Variants in CD9 observed in about 807,000 individuals in gnomAD.
CD9 encodes CD9 antigen.
A neutral mutation model predicts 31.4 loss-of-function variants in CD9; 10 were observed. The ratio of observed to expected loss-of-function variants is 0.32; its 90% CI spans 0.20 to 0.54. CD9 has a LOEUF of 0.54. Among genes scored for constraint, CD9 ranks in the 20% least tolerant of loss-of-function variants. CD9 has a pLI of 0.94. For missense variants in CD9, 259 were observed against 300.1 expected (o/e 0.86, Z 1.01); for synonymous variants, 113 against 114.1 (o/e 0.99, Z 0.06).
At chr12:6,224,723 A>T (rs1946340045) in intron 1 of CD9, among the ~76,000 whole-genome samples, 1 of 152,146 alleles carries the variant, frequency 6.6e-6, no homozygotes, top group Admixed American at 6.5e-5. Flanking sequence ...CTCAGCTGGC[A>T]CTGGGGGGAC....
intron 1 of CD9, among the ~76,000 whole-genome samples, chr12:6,211,068 C>T (rs541186585): frequency 1.2e-4 from 19 of 152,166 alleles, no homozygotes; most frequent in African/African-American, 3.9e-4. Context: ...GAACTCCTGA[C>T]CTTGTGATCC....
intron 1 of CD9, among the ~76,000 whole-genome samples, chr12:6,224,362 G>C (rs1946334705): frequency 6.6e-6 from 1 of 152,090 alleles, no homozygotes; most frequent in Non-Finnish European, 1.5e-5. Context: ...TATGCTCCTG[G>C]GGGGTAGGTG....
In CD9 at chr12:6,222,327, G is replaced by A. The variant is rs1946302225; in HGVS notation, c.67-3099G>A. On this transcript the variant is annotated intron_variant, in intron 1 of 7. Coordinates refer to ENST00000009180, the MANE Select transcript of CD9 (RefSeq NM_001769.4). Reference sequence around the variant, plus strand: ...GTTCACTCCTGATTTTTGTCCAAGTGTTCCCAGTCATGCCCCTGGCCCTCC... The same window carrying A: ...GTTCACTCCTGATTTTTGTCCAAGTATTCCCAGTCATGCCCCTGGCCCTCC... Among the ~76,000 whole-genome samples the A allele has an allele frequency of 3.3e-5, 5 of 152,182 alleles. No homozygotes were observed. In the South Asian group the frequency reaches 1.0e-3, roughly 32 times the overall value.
intron 1 of CD9, among the ~76,000 whole-genome samples, chr12:6,224,083 T>C (rs1360636211): frequency 1.3e-5 from 2 of 152,116 alleles, no homozygotes; most frequent in African/African-American, 4.8e-5. Flanking sequence ...AGATGCTGAG[T>C]GACAGTCCAC....
intron 1 of CD9, among the ~76,000 whole-genome samples, chr12:6,208,345 C>T (rs965152716): frequency 3.3e-5 from 5 of 152,290 alleles, no homozygotes; most frequent in Admixed American, 6.5e-5. Context: ...GCCCTCTCCT[C>T]GGAACTGAGC....
rs1167025144 is a variant in CD9 at position 6,225,444 on chromosome 12, C to G, written c.85C>G (p.Leu29Val). 10 of 1,612,818 alleles carry G rather than the reference C, an allele frequency of 6.2e-6. No individual in the cohort carries two copies. The South Asian group carries it at 9.9e-5, about 16-fold the overall frequency. The change falls in exon 2 of 8, where the codon CTT becomes GTT. Residue 29 changes from leucine to valine, a missense_variant. Transcript: ENST00000009180. The stretch of plus-strand genomic sequence containing the variant: ...CTTGCAGCTTGCCGGGATTGCTGTC[C>G]TTGCCATTGGACTATGGCTCCGATT... ...FIFWLAGIAV[L>V]AIGLWLRFDS...
intron 1 of CD9, among the ~76,000 whole-genome samples, chr12:6,215,233 A>T (rs545303004): frequency 1.2e-4 from 19 of 152,086 alleles, no homozygotes; most frequent in Non-Finnish European, 2.6e-4. Flanking sequence ...GAGGAAGCTC[A>T]CACCTCCCAT....
intron 7 of CD9, chr12:6,236,730 C>T (rs1946528201): frequency 8.3e-6 from 3 of 360,198 alleles, no homozygotes; most frequent in Non-Finnish European, 1.5e-5. Flanking sequence ...CAACAAGGGC[C>T]AACCAGGTTC....
intron 1 of CD9, among the ~76,000 whole-genome samples, chr12:6,214,344 C>CTTTTTGTTTTT (rs1946221224): frequency 1.5e-5 from 1 of 67,074 alleles, no homozygotes; most frequent in Non-Finnish European, 2.6e-5. Context: ...CCATTAGCCT[C>CTTTTTGTTTTT]TTTTTTTTTT....
chr12:6,207,943 G>A (rs893289208), intron 1 of CD9, among the ~76,000 whole-genome samples: 12 of 152,148 alleles, frequency 7.9e-5, no homozygotes, highest in Non-Finnish European at 1.6e-4. Context: ...TAACCCTTCA[G>A]GCCAGGCGCG....
Position 6,225,436 on chromosome 12 carries a change from T to C in CD9, c.77T>C (p.Ile26Thr), listed in dbSNP as rs758383243. 4.3e-6 allele frequency: 7 copies of C among 1,612,446 alleles called. No homozygotes were observed. In the South Asian group the frequency reaches 4.4e-5, roughly 10 times the overall value. Reference protein sequence around the residue: ...GFNFIFWLAGIAVLAIGLWLR... With the variant: ...GFNFIFWLAGTAVLAIGLWLR... ...CTGTATGTCTTGCAGCTTGCCGGGATTGCTGTCCTTGCCATTGGACTATGG... is the reference window on the plus strand; with the variant it reads ...CTGTATGTCTTGCAGCTTGCCGGGACTGCTGTCCTTGCCATTGGACTATGG... Residue 26 changes from isoleucine (I) to threonine (T), a missense_variant, in exon 2 of 8, where the codon ATT becomes ACT. Ile to Thr is a moderately conservative substitution (Grantham distance 89, BLOSUM62 -1). Coordinates refer to ENST00000009180, the MANE Select transcript of CD9 (RefSeq NM_001769.4).
At chr12:6,223,589 C>A in intron 1 of CD9, among the ~76,000 whole-genome samples, 1 of 149,334 alleles carries the variant, frequency 6.7e-6, no homozygotes, top group East Asian at 1.9e-4. Flanking sequence ...GCTCAGGGAC[C>A]TGGGGGGGGA....
At chr12:6,221,336 C>T (rs1218626465) in intron 1 of CD9, among the ~76,000 whole-genome samples, 1 of 152,202 alleles carries the variant, frequency 6.6e-6, no homozygotes, top group African/African-American at 2.4e-5. Flanking sequence ...GGGCTCTCTC[C>T]TGCATCCCCG....
chr12:6,225,428 T>C lies in CD9; in HGVS notation c.69T>C (p.Leu23=), dbSNP rs1264362861. The C allele has an allele frequency of 6.2e-7, 1 of 1,609,316 alleles. No homozygotes were observed. The highest frequency in any genetic ancestry group is 2.2e-5 in the East Asian group (1 of 44,864). The change falls in exon 2 of 8, where the codon CTT becomes CTC. Residue 23 remains leucine, a splice_region_variant and synonymous_variant. Coordinates refer to ENST00000009180, the MANE Select transcript of CD9 (RefSeq NM_001769.4). ...LLFGFNFIFW[L]AGIAVLAIGL... ...CTGATGTCCTGTATGTCTTGCAGCT[T>C]GCCGGGATTGCTGTCCTTGCCATTG...
At chr12:6,200,950 G>C (rs1436227354) in intron 1 of CD9, 1 of 183,054 alleles carries the variant, frequency 5.5e-6, no homozygotes. Flanking sequence ...ACCCCTCTTT[G>C]GGCCAAGGCC....
At chr12:6,227,015 C>T (rs112151949) in intron 2 of CD9, among the ~76,000 whole-genome samples, 8 of 152,230 alleles carry the variant, frequency 5.3e-5, no homozygotes, top group African/African-American at 1.9e-4. Context: ...GTGGCCGGCG[C>T]GTGTGTCTCC....
At chr12:6,220,199 G>A (rs1946279936) in intron 1 of CD9, among the ~76,000 whole-genome samples, 1 of 152,210 alleles carries the variant, frequency 6.6e-6, no homozygotes, top group Non-Finnish European at 1.5e-5. Flanking sequence ...GGAAATGGGT[G>A]GGGAAGCAGC....
At chr12:6,222,127 A>G (rs1462499004) in intron 1 of CD9, among the ~76,000 whole-genome samples, 1 of 152,252 alleles carries the variant, frequency 6.6e-6, no homozygotes, top group Non-Finnish European at 1.5e-5. Flanking sequence ...CATGAAAGGC[A>G]TTATTGGGTG....
chr12:6,202,149 G>T (rs1039863522), intron 1 of CD9, among the ~76,000 whole-genome samples: 1 of 152,208 alleles, frequency 6.6e-6, no homozygotes, highest in Non-Finnish European at 1.5e-5. Context: ...AGAGCTGAAG[G>T]GGTGGTTGAA....
Sources: allele counts gnomAD v4.1 joint callset (sites outside exome capture counted in the v4.1 genomes callset), GRCh38; gene constraint gnomAD v4.1.1; transcripts MANE v1.5; gene names NCBI Gene and HGNC (gene_info 2026-07-23, HGNC 2026-07-21).